CFAP61: variants seen among roughly 807,000 people sequenced by gnomAD.
The protein encoded by CFAP61 is cilia and flagella associated protein 61, also known as cilia- and flagella-associated protein 61.
Under a neutral mutation model 135.6 loss-of-function variants are expected in CFAP61, and 107 were observed. The ratio of observed to expected loss-of-function variants is 0.79; its 90% CI spans 0.67 to 0.93. The LOEUF is 0.93. Among genes scored for constraint, CFAP61 ranks in the 40% least tolerant of loss-of-function variants. The pLI is 0.00. For missense variants in CFAP61, 1,507 were observed against 1,556.2 expected, an observed-to-expected ratio of 0.97 and a Z score of 0.53; for synonymous variants, 575 against 578.5, an observed-to-expected ratio of 0.99 and a Z score of 0.09.
chr20:20,235,124 C>G (rs905697305), intron 18 of CFAP61, among the ~76,000 whole-genome samples: 13 of 152,144 alleles, frequency 8.5e-5, no homozygotes, highest in African/African-American at 3.1e-4. Flanking sequence ...GTGCTTCCCA[C>G]CCGCAGCTGC....
chr20:20,343,612 C>T (rs527335502), intron 26 of CFAP61, among the ~76,000 whole-genome samples: 1 of 152,332 alleles, frequency 6.6e-6, no homozygotes, highest in South Asian at 2.1e-4. Flanking sequence ...CTGGGGCTCA[C>T]TGAATGCTCA....
At chr20:20,286,414 G>A (rs2054594757) in intron 22 of CFAP61, among the ~76,000 whole-genome samples, 2 of 152,230 alleles carry the variant, frequency 1.3e-5, no homozygotes, top group Admixed American at 6.5e-5. Context: ...TCACCAAGAT[G>A]TTCTGGAGAC....
intron 8 of CFAP61, among the ~76,000 whole-genome samples, chr20:20,124,956 A>G (rs544851054): frequency 1.3e-5 from 2 of 151,772 alleles, no homozygotes; most frequent in Admixed American, 1.3e-4. Flanking sequence ...GGAGGGTTTT[A>G]TCTTTCCAGG....
intron 9 of CFAP61, among the ~76,000 whole-genome samples, chr20:20,158,906 A>G (rs2053174694): frequency 6.6e-6 from 1 of 152,242 alleles, no homozygotes; most frequent in Non-Finnish European, 1.5e-5. Context: ...TGTCAATTCT[A>G]TTAGGTTGGC....
chr20:20,237,126 T>A (rs2049655108), intron 18 of CFAP61, among the ~76,000 whole-genome samples: 1 of 152,234 alleles, frequency 6.6e-6, no homozygotes, highest in Admixed American at 6.5e-5. Context: ...TTTATGTGTT[T>A]ATTTTGTGAT....
chr20:20,288,296 G>C (rs1331716962), intron 22 of CFAP61, among the ~76,000 whole-genome samples: 2 of 152,056 alleles, frequency 1.3e-5, no homozygotes, highest in Admixed American at 1.3e-4. Context: ...GGGAAGGCAG[G>C]GTCTGTACAA....
intron 25 of CFAP61, among the ~76,000 whole-genome samples, chr20:20,339,296 G>A (rs768600059): frequency 9.9e-5 from 15 of 152,006 alleles, no homozygotes; most frequent in Non-Finnish European, 1.9e-4. Context: ...TTTCCCAAAA[G>A]CTCATCACGA....
intron 26 of CFAP61, among the ~76,000 whole-genome samples, chr20:20,355,553 A>G (rs1245694791): frequency 1.0e-5 from 1 of 97,526 alleles, no homozygotes; most frequent in African/African-American, 4.5e-5. Flanking sequence ...CACTGTGAGC[A>G]GAGATGGTCA....
chr20:20,277,078 A>T, intron 21 of CFAP61, 88 bp from the exon 22 acceptor site: 1 of 1,045,914 alleles, frequency 9.6e-7, no homozygotes, highest in Non-Finnish European at 1.4e-6. Flanking sequence ...TGAGAGGGTT[A>T]TACGGAGCAA....
chr20:20,161,561 A>C (rs1569034359), intron 10 of CFAP61, among the ~76,000 whole-genome samples: 1 of 152,150 alleles, frequency 6.6e-6, no homozygotes, highest in African/African-American at 2.4e-5. Flanking sequence ...ACTGGTGAAA[A>C]GTGTGTGAAT....
chr20:20,156,411 A>G (rs1250902991), intron 9 of CFAP61, among the ~76,000 whole-genome samples: 1 of 152,196 alleles, frequency 6.6e-6, no homozygotes, highest in African/African-American at 2.4e-5. Flanking sequence ...TTTTTGAAAA[A>G]CTTACAGCAA....
At chr20:20,329,640 G>A (rs1455301725) in intron 25 of CFAP61, among the ~76,000 whole-genome samples, 1 of 152,166 alleles carries the variant, frequency 6.6e-6, no homozygotes, top group Non-Finnish European at 1.5e-5. Flanking sequence ...CATCACTTGG[G>A]AGATAAAGTC....
chr20:20,322,701 G>A (rs1386962508), intron 25 of CFAP61: 2 of 985,288 alleles, frequency 2.0e-6, no homozygotes, highest in East Asian at 1.1e-4. Flanking sequence ...ACTACCCTCA[G>A]AGTTCTGGCA....
At chr20:20,333,503 A>C (rs193092367) in intron 25 of CFAP61, among the ~76,000 whole-genome samples, 1 of 152,350 alleles carries the variant, frequency 6.6e-6, no homozygotes, top group African/African-American at 2.4e-5. Flanking sequence ...CAACGCAAGC[A>C]TCGGTCTTTG....
At chr20:20,311,857 C>A (rs371869472) in intron 25 of CFAP61, among the ~76,000 whole-genome samples, 13 of 152,234 alleles carry the variant, frequency 8.5e-5, no homozygotes, top group Middle Eastern at 3.4e-3. Flanking sequence ...AGGCTGGGAA[C>A]GCTGCCTGTT....
intron 26 of CFAP61, among the ~76,000 whole-genome samples, chr20:20,353,145 A>G (rs1245910438): frequency 6.6e-6 from 1 of 152,216 alleles, no homozygotes; most frequent in African/African-American, 2.4e-5. Context: ...TGTAACATTG[A>G]TGAGGAAAAC....
chr20:20,313,638 C>T (rs937312398), intron 25 of CFAP61, among the ~76,000 whole-genome samples: 1 of 152,216 alleles, frequency 6.6e-6, no homozygotes, highest in Non-Finnish European at 1.5e-5. Context: ...AGGTAGTGTC[C>T]TCATTCTCAC....
At chr20:20,314,329 G>A (rs1004677644) in intron 25 of CFAP61, among the ~76,000 whole-genome samples, 124 of 149,634 alleles carry the variant, frequency 8.3e-4, no homozygotes, top group African/African-American at 2.9e-3. Context: ...GGCAGAGGCT[G>A]CATTGAGCCA....
intron 19 of CFAP61, among the ~76,000 whole-genome samples, chr20:20,248,039 G>A (rs960776195): frequency 6.6e-6 from 1 of 152,112 alleles, no homozygotes; most frequent in South Asian, 2.1e-4. Context: ...CCACAAGGGC[G>A]GAAATTTTTG....
Sources: allele counts gnomAD v4.1 joint callset (sites outside exome capture counted in the v4.1 genomes callset), GRCh38; gene constraint gnomAD v4.1.1; transcripts MANE v1.5; gene names NCBI Gene and HGNC (gene_info 2026-07-23, HGNC 2026-07-21).